Variants in MAGI2 observed in about 807,000 individuals in gnomAD.
MAGI2 encodes membrane associated guanylate kinase, WW and PDZ domain containing 2.
Under a neutral mutation model 133.3 loss-of-function variants are expected in MAGI2, and 35 were observed. That is an observed-to-expected ratio of 0.26 (90% confidence interval 0.20 to 0.35). The LOEUF (loss-of-function observed/expected upper bound fraction) is 0.35, where lower values mean the gene tolerates loss of function less well. Among genes scored for constraint, MAGI2 ranks in the 10% least tolerant of loss-of-function variants. The pLI, the probability that MAGI2 is intolerant of heterozygous loss-of-function variation, is 1.00. For missense variants in MAGI2, 1,636 were observed against 1,863.4 expected, an observed-to-expected ratio of 0.88 and a Z score of 2.25; for synonymous variants, 729 against 710.6, an observed-to-expected ratio of 1.03 and a Z score of -0.41.
chr7:79,007,355 AATG>A, intron 1 of MAGI2, 149 bp from the exon 2 acceptor site: 1 of 567,286 alleles, frequency 1.8e-6, no homozygotes, highest in Admixed American at 3.5e-5. Flanking sequence ...TTACTGCCAC[AATG>A]ATAACAGAGA....
chr7:79,334,404 T>C (rs1443372152), intron 1 of MAGI2, among the ~76,000 whole-genome samples: 2 of 152,186 alleles, frequency 1.3e-5, no homozygotes, highest in African/African-American at 4.8e-5. Context: ...TTAGGACTTT[T>C]CCATAATCTT....
At chr7:78,322,342 A>G (rs1788089434) in intron 9 of MAGI2, among the ~76,000 whole-genome samples, 1 of 152,224 alleles carries the variant, frequency 6.6e-6, no homozygotes, top group African/African-American at 2.4e-5. Flanking sequence ...TTACAATAGC[A>G]AAGACTTGGA....
chr7:78,122,356 A>G (rs2150501483), intron 20 of MAGI2, among the ~76,000 whole-genome samples: 1 of 152,314 alleles, frequency 6.6e-6, no homozygotes, highest in South Asian at 2.1e-4. Context: ...AAAGGTGACA[A>G]ATTTAGAAGA....
chr7:79,290,347 T>TAG (rs1772221567), intron 1 of MAGI2, among the ~76,000 whole-genome samples: 1 of 151,190 alleles, frequency 6.6e-6, no homozygotes, highest in African/African-American at 2.4e-5. Context: ...CAATTGTGGA[T>TAG]ATATATATAT....
intron 2 of MAGI2, among the ~76,000 whole-genome samples, chr7:78,682,839 TTC>T (rs1815838866): frequency 6.6e-6 from 1 of 152,184 alleles, no homozygotes; most frequent in African/African-American, 2.4e-5. Flanking sequence ...AGGGTAACTT[TTC>T]CTTTTCTTTA....
At chr7:79,171,874 C>T (rs1825659303) in intron 1 of MAGI2, among the ~76,000 whole-genome samples, 1 of 149,082 alleles carries the variant, frequency 6.7e-6, no homozygotes, top group South Asian at 2.1e-4. Context: ...ATACACATCC[C>T]AAAGGTATTA....
At chr7:78,674,222 A>G (rs979468385) in intron 2 of MAGI2, among the ~76,000 whole-genome samples, 2 of 139,922 alleles carry the variant, frequency 1.4e-5, no homozygotes, top group African/African-American at 5.3e-5. Context: ...AATCCATCCA[A>G]ATAGCAAAGC....
At chr7:79,092,576 AT>A (rs1817160093) in intron 1 of MAGI2, among the ~76,000 whole-genome samples, 2 of 152,222 alleles carry the variant, frequency 1.3e-5, no homozygotes, top group South Asian at 4.1e-4. Context: ...ATTGAGGGCT[AT>A]TAACTTCCAT....
chr7:78,263,586 G>T (rs1793719724), intron 9 of MAGI2, among the ~76,000 whole-genome samples: 1 of 152,058 alleles, frequency 6.6e-6, no homozygotes, highest in East Asian at 1.9e-4. Flanking sequence ...GAATACATAA[G>T]ACATTGCTAA....
At chr7:79,338,677 T>A (rs1563130395) in intron 1 of MAGI2, among the ~76,000 whole-genome samples, 2 of 152,156 alleles carry the variant, frequency 1.3e-5, no homozygotes, top group Non-Finnish European at 2.9e-5. Flanking sequence ...TTCGTCAGAT[T>A]CTCAAAGGTG....
chr7:78,725,903 A>G (rs1326635415), intron 2 of MAGI2, among the ~76,000 whole-genome samples: 1 of 152,206 alleles, frequency 6.6e-6, no homozygotes, highest in Non-Finnish European at 1.5e-5. Flanking sequence ...TGTAAAATGT[A>G]CTGGATAGTC....
chr7:78,723,041 T>C lies in MAGI2; in HGVS notation c.419-95802A>G, dbSNP rs112891418. Among the ~76,000 whole-genome samples, 1,452 of 152,172 alleles carry C rather than the reference T, an allele frequency of 9.5e-3. 25 individuals carry two copies. Among genetic ancestry groups the C allele is most frequent in the African/African-American group, 0.033 (1,383 of 41,540 alleles). On this transcript the variant is annotated intron_variant, in intron 2 of 21. Transcript: ENST00000354212. ...ACTCAGTAAAGTTGCTAAGAGAAAA[T>C]GGTTAGTAAATCCCAGGCCACCTTA...
intron 10 of MAGI2, among the ~76,000 whole-genome samples, chr7:78,237,479 A>G (rs974223939): frequency 2.0e-4 from 31 of 152,074 alleles, no homozygotes; most frequent in Admixed American, 1.4e-3. Context: ...CTAAACAAGT[A>G]ATTTGTCTCC....
intron 1 of MAGI2, among the ~76,000 whole-genome samples, chr7:79,028,324 T>C (rs58154746): frequency 2.3e-4 from 24 of 105,984 alleles, no homozygotes; most frequent in Middle Eastern, 9.8e-3. Context: ...CACACATATA[T>C]ATACATATAT....
At chr7:78,298,724 C>A (rs1376701146) in intron 9 of MAGI2, among the ~76,000 whole-genome samples, 1 of 151,656 alleles carries the variant, frequency 6.6e-6, no homozygotes, top group African/African-American at 2.4e-5. Flanking sequence ...GGCTGGGTCT[C>A]CAACCCCTGA....
rs1838444501 is a variant in MAGI2 at position 79,313,354 on chromosome 7, T to C, written c.301+139666A>G. Among the ~76,000 whole-genome samples, 4 of 152,160 alleles carry C rather than the reference T, an allele frequency of 2.6e-5. No individual in the cohort carries two copies. The South Asian group carries it at 8.3e-4, about 32-fold the overall frequency. On this transcript the variant is annotated intron_variant, in intron 1 of 21. Coordinates refer to ENST00000354212, the MANE Select transcript of MAGI2 (RefSeq NM_012301.4). ...TGCAGGCTCTCTCCTTGTTCACAGC[T>C]ATATGTCCAGGATCTAACAGAGTGC...
At chr7:78,840,142 C>T (rs1468922691) in intron 2 of MAGI2, among the ~76,000 whole-genome samples, 1 of 151,886 alleles carries the variant, frequency 6.6e-6, no homozygotes, top group Non-Finnish European at 1.5e-5. Flanking sequence ...ATCAATTCAA[C>T]ATTTGGCTCC....
intron 2 of MAGI2, among the ~76,000 whole-genome samples, chr7:78,844,942 G>C (rs929133942): frequency 6.6e-6 from 1 of 151,910 alleles, no homozygotes; most frequent in Non-Finnish European, 1.5e-5. Flanking sequence ...GAAAACTCTA[G>C]TTGATAAAGA....
chr7:78,676,991 T>A (rs1815113067), intron 2 of MAGI2, among the ~76,000 whole-genome samples: 1 of 152,130 alleles, frequency 6.6e-6, no homozygotes, highest in African/African-American at 2.4e-5. Context: ...CTAACTGTTT[T>A]AAGATAATTT....
Sources: gnomAD v4.1 joint callset for allele counts (sites outside exome capture counted in the v4.1 genomes callset) on GRCh38, gnomAD v4.1.1 for gene constraint, MANE v1.5 for transcripts, NCBI Gene and HGNC (gene_info 2026-07-23, HGNC 2026-07-21) for gene names.